The following CNBD1 variants were observed in gnomAD, a reference collection of about 807,000 sequenced individuals.
CNBD1 encodes cyclic nucleotide-binding domain-containing protein 1.
CNBD1 carries 71 observed loss-of-function variants against 54.4 expected under a neutral mutation model. The observed-to-expected ratio is 1.30, with a 90% confidence interval of 1.08 to 1.59. CNBD1 has a LOEUF of 1.59. CNBD1 is among the 40% of genes most tolerant of loss of function. The pLI, the probability that CNBD1 is intolerant of heterozygous loss-of-function variation, is 0.00. For missense variants in CNBD1, 659 were observed against 518.0 expected, an observed-to-expected ratio of 1.27 and a Z score of -2.64; for synonymous variants, 182 against 170.7, an observed-to-expected ratio of 1.07 and a Z score of -0.51.
At chr8:86,926,052 G>A (rs1044204659) in intron 3 of CNBD1, among the ~76,000 whole-genome samples, 4 of 152,042 alleles carry the variant, frequency 2.6e-5, no homozygotes, top group African/African-American at 9.7e-5. Context: ...ATCAGAGTGC[G>A]CTTTTTTCAA....
At chr8:87,092,167 T>C (rs897648021) in intron 4 of CNBD1, among the ~76,000 whole-genome samples, 1 of 152,166 alleles carries the variant, frequency 6.6e-6, no homozygotes, top group African/African-American at 2.4e-5. Flanking sequence ...CTAACTCTAG[T>C]CTGCCTTCTA....
Position 86,889,869 on chromosome 8 carries a change from A to G in CNBD1, c.158+2258A>G, listed in dbSNP as rs545870061. On this transcript the variant is annotated intron_variant, in intron 2 of 10. Transcript: ENST00000518476. Reference sequence around the variant, plus strand: ...GAAATAAATATCTTCTGATGATTCAAAAAAATGTACAAGAGTTTTCTGTGT... The same window carrying G: ...GAAATAAATATCTTCTGATGATTCAGAAAAATGTACAAGAGTTTTCTGTGT... Among the ~76,000 whole-genome samples the G allele has an allele frequency of 9.7e-4, 147 of 152,236 alleles. 1 individual carries two copies. The highest frequency in any genetic ancestry group is 2.3e-3 in the African/African-American group (97 of 41,566).
At chr8:87,066,222 C>T (rs1434631804) in intron 4 of CNBD1, among the ~76,000 whole-genome samples, 3 of 151,884 alleles carry the variant, frequency 2.0e-5, no homozygotes, top group Non-Finnish European at 4.4e-5. Flanking sequence ...TGTGAGACAA[C>T]TAGTGATTTC....
intron 8 of CNBD1, among the ~76,000 whole-genome samples, chr8:87,345,857 A>T (rs1167743863): frequency 3.3e-5 from 5 of 152,166 alleles, no homozygotes; most frequent in Non-Finnish European, 7.3e-5. Context: ...TACTGAAAAT[A>T]AAAAGAAGTT....
Position 87,166,088 on chromosome 8 carries a change from C to T in CNBD1, c.432-39905C>T, listed in dbSNP as rs1052430910. ...ATCTTCTACCATATCTGAAATAAAA[C>T]TAACTCTTGGTTTCCTCTGCTGATC... On this transcript the variant is annotated intron_variant, in intron 4 of 10. Coordinates refer to ENST00000518476, the MANE Select transcript of CNBD1 (RefSeq NM_173538.3). The surrounding 1 kb of genome is among the most constrained non-coding windows in gnomAD (Gnocchi z 4.3). Among the ~76,000 whole-genome samples, 19 of 151,930 alleles carry T rather than the reference C, an allele frequency of 1.3e-4. No homozygotes were observed. Among genetic ancestry groups the T allele is most frequent in the African/African-American group, 4.6e-4 (19 of 41,404 alleles).
intron 6 of CNBD1, among the ~76,000 whole-genome samples, chr8:87,241,562 G>A (rs1442196688): frequency 6.6e-6 from 1 of 152,066 alleles, no homozygotes; most frequent in Non-Finnish European, 1.5e-5. Context: ...GTGAGCCACT[G>A]CACCCCGCCC....
At chr8:87,157,551 C>T (rs1812771476) in intron 4 of CNBD1, among the ~76,000 whole-genome samples, 1 of 152,250 alleles carries the variant, frequency 6.6e-6, no homozygotes, top group African/African-American at 2.4e-5. Flanking sequence ...TTGCATTCAG[C>T]AGAATGCAGC....
chr8:87,099,440 C>CA (rs1230441894), intron 4 of CNBD1, among the ~76,000 whole-genome samples: 1 of 152,016 alleles, frequency 6.6e-6, no homozygotes, highest in Non-Finnish European at 1.5e-5. Flanking sequence ...GATTTAGGAA[C>CA]AATAGTAGGG....
intron 4 of CNBD1, among the ~76,000 whole-genome samples, chr8:87,014,030 A>G (rs983847018): frequency 6.6e-6 from 1 of 152,046 alleles, no homozygotes; most frequent in African/African-American, 2.4e-5. Flanking sequence ...TTGTATCAGA[A>G]TGCCTAATTA....
intron 3 of CNBD1, among the ~76,000 whole-genome samples, chr8:86,932,850 G>A (rs111556636): frequency 0.077 from 11,635 of 151,260 alleles, 567 homozygotes; most frequent in African/African-American, 0.14. Flanking sequence ...TTTCTTCCCC[G>A]CCCAATAACC....
chr8:87,005,186 A>G (rs1809071424), intron 4 of CNBD1, among the ~76,000 whole-genome samples: 1 of 151,870 alleles, frequency 6.6e-6, no homozygotes. Flanking sequence ...GATCGAGACC[A>G]TGGTGAAACC....
chr8:87,427,095 G>T (rs1808063537), intron 2 of CNBD1, among the ~76,000 whole-genome samples: 1 of 152,090 alleles, frequency 6.6e-6, no homozygotes, highest in Non-Finnish European at 1.5e-5. Context: ...TCAGCAGCAT[G>T]ACAAGGACCT....
At chr8:86,951,926 T>C in intron 4 of CNBD1, among the ~76,000 whole-genome samples, 1 of 152,172 alleles carries the variant, frequency 6.6e-6, no homozygotes. Flanking sequence ...ATTAAAAAGC[T>C]GCATACCTCC....
intron 4 of CNBD1, among the ~76,000 whole-genome samples, chr8:87,089,786 A>C (rs1406267591): frequency 6.6e-6 from 1 of 151,894 alleles, no homozygotes; most frequent in Non-Finnish European, 1.5e-5. Flanking sequence ...CTTCTGTTTA[A>C]GTTTTTATAC....
intron 10 of CNBD1, among the ~76,000 whole-genome samples, chr8:87,379,197 T>C: frequency 6.6e-6 from 1 of 151,952 alleles, no homozygotes; most frequent in African/African-American, 2.4e-5. Context: ...CTATGTTGAA[T>C]AGGAGTGGTG....
rs1232918385 is a variant in CNBD1 at position 87,364,719 on chromosome 8, C to T, written c.1303+10933C>T. On this transcript the variant is annotated intron_variant, in intron 10 of 10. Coordinates refer to ENST00000518476, the MANE Select transcript of CNBD1 (RefSeq NM_173538.3). Reference sequence around the variant, plus strand: ...TTCATGTGTTCTCATCATTTAGCTCCCACTTACAAGGAAAATATGCTGTAT... The same window carrying T: ...TTCATGTGTTCTCATCATTTAGCTCTCACTTACAAGGAAAATATGCTGTAT... Among the ~76,000 whole-genome samples, 3 of 151,924 alleles carry T rather than the reference C, an allele frequency of 2.0e-5. No individual in the cohort carries two copies. In the South Asian group the frequency reaches 6.2e-4, roughly 31 times the overall value.
intron 3 of CNBD1, among the ~76,000 whole-genome samples, chr8:86,928,582 G>A (rs772466970): frequency 6.6e-6 from 1 of 152,190 alleles, no homozygotes; most frequent in Non-Finnish European, 1.5e-5. Context: ...TACTTCCTGA[G>A]CCTTCTCTGT....
chr8:87,338,258 C>T (rs188891995), intron 8 of CNBD1, among the ~76,000 whole-genome samples: 65 of 152,162 alleles, frequency 4.3e-4, no homozygotes, highest in Admixed American at 1.6e-3. Context: ...GCATAAATAT[C>T]TATTATCTGA....
At chr8:87,328,191 G>A (rs1477676742) in intron 8 of CNBD1, among the ~76,000 whole-genome samples, 2 of 151,776 alleles carry the variant, frequency 1.3e-5, no homozygotes, top group Non-Finnish European at 2.9e-5. Flanking sequence ...TGTGTCCATT[G>A]TTCGATATCC....
Sources: allele counts gnomAD v4.1 joint callset (sites outside exome capture counted in the v4.1 genomes callset), GRCh38; gene constraint gnomAD v4.1.1; non-coding constraint Gnocchi (gnomAD v3.1); transcripts MANE v1.5; gene names NCBI Gene and HGNC (gene_info 2026-07-23, HGNC 2026-07-21).